The following TMTC2 variants were observed in gnomAD, a reference collection of about 807,000 sequenced individuals.
The protein encoded by TMTC2 is transmembrane O-mannosyltransferase targeting cadherins 2.
In TMTC2, 43 loss-of-function variants were observed where a neutral mutation model predicts 82.4. The observed-to-expected ratio is 0.52, with a 90% CI of 0.41 to 0.67. TMTC2 has a LOEUF of 0.67. Ranked by LOEUF, TMTC2 falls within the 30% of genes least tolerant of loss-of-function variation. The probability of loss-of-function intolerance (pLI) is 0.00; values close to 1 mark genes in which losing one functional copy is unlikely to be tolerated. For synonymous variants in TMTC2, 408 were observed against 381.9 expected (o/e 1.07, Z -0.80); for missense variants, 919 against 1,012.4 (o/e 0.91, Z 1.25).
chr12:83,013,450 A>C lies in TMTC2; in HGVS notation c.2071-17348A>C, dbSNP rs73150434. On this transcript the variant is annotated intron_variant, in intron 8 of 11. Coordinates refer to ENST00000321196, the MANE Select transcript of TMTC2 (RefSeq NM_152588.3). ...AATCCACCTAGGCTAGCAATACTTA[A>C]AACTGCCTTTTCTACTCTTTCTTGC... Among the ~76,000 whole-genome samples, 684 of 152,244 alleles carry C rather than the reference A, an allele frequency of 4.5e-3. 2 individuals are homozygous for C. The highest frequency in any genetic ancestry group is 7.8e-3 in the Non-Finnish European group (532 of 68,006).
At position 83,064,344 on chromosome 12, in the gene TMTC2, T is replaced by C. The variant is rs372408721; in HGVS notation, c.2331+2513T>C. 1.8e-4 allele frequency among the ~76,000 whole-genome samples: 27 copies of C among 152,058 alleles called. No homozygotes were observed. In the South Asian group the frequency reaches 5.2e-3, roughly 29 times the overall value. ...TTAATCTCCAACTCAAAGCCCTTTT[T>C]TTCTGAACCCTCAAAATGTTTCTTC... On this transcript the variant is annotated intron_variant, in intron 11 of 11. Coordinates refer to ENST00000321196, the MANE Select transcript of TMTC2 (RefSeq NM_152588.3).
Position 82,687,274 on chromosome 12 carries a change from C to T in TMTC2, c.-313C>T, listed in dbSNP as rs1872355153. 2.2e-6 allele frequency: 1 copy of T among 449,176 alleles called. No homozygotes were observed. Among genetic ancestry groups the T allele is most frequent in the Non-Finnish European group, 4.1e-6 (1 of 243,494 alleles). The allele number at this position is 449,176 out of a possible 1,614,324, so 27.8% of individuals were successfully genotyped here. A position where few individuals can be genotyped will look rare whatever the true frequency, so the allele number is the denominator to read the frequency against. On this transcript the variant is annotated 5_prime_UTR_variant, in exon 1 of 12. Transcript: ENST00000321196. Reference sequence around the variant, plus strand: ...ATGGGTTAGGGTGGGGATCGCGACCCGCGCGAAAGACCAGCCCTGCGCTTC... The same window carrying T: ...ATGGGTTAGGGTGGGGATCGCGACCTGCGCGAAAGACCAGCCCTGCGCTTC...
chr12:82,924,976 C>T (rs1875616532), intron 3 of TMTC2, among the ~76,000 whole-genome samples: 1 of 151,994 alleles, frequency 6.6e-6, no homozygotes, highest in Non-Finnish European at 1.5e-5. Flanking sequence ...CTTGACTTTC[C>T]CTCTCATTTT....
intron 1 of TMTC2, among the ~76,000 whole-genome samples, chr12:82,749,830 C>T (rs531837303): frequency 4.0e-5 from 6 of 151,548 alleles, no homozygotes; most frequent in South Asian, 4.2e-4. Flanking sequence ...CTCCGCCTCC[C>T]GGGTTCAAGC....
chr12:83,002,335 CTCTG>C (rs1424392851), intron 8 of TMTC2, among the ~76,000 whole-genome samples: 1 of 152,078 alleles, frequency 6.6e-6, no homozygotes, highest in Non-Finnish European at 1.5e-5. Context: ...TTTGCATCTT[CTCTG>C]TCTTTTTTTC....
chr12:82,907,996 C>T (rs1256717512), intron 3 of TMTC2, among the ~76,000 whole-genome samples: 1 of 152,008 alleles, frequency 6.6e-6, no homozygotes, highest in African/African-American at 2.4e-5. Context: ...CCTGTAGTCC[C>T]AGCTACTCAG....
chr12:82,922,590 C>A (rs1875460075), intron 3 of TMTC2, among the ~76,000 whole-genome samples: 2 of 151,776 alleles, frequency 1.3e-5, no homozygotes, highest in Non-Finnish European at 2.9e-5. Context: ...TATTAATCCC[C>A]TTTTATCTGT....
chr12:82,832,352 T>C (rs1869796836), intron 1 of TMTC2, among the ~76,000 whole-genome samples: 1 of 152,030 alleles, frequency 6.6e-6, no homozygotes, highest in Non-Finnish European at 1.5e-5. Context: ...AGTTTTTTTT[T>C]TTTTTGACGC....
At chr12:83,117,363 A>T (rs1218185495) in intron 11 of TMTC2, among the ~76,000 whole-genome samples, 1 of 152,228 alleles carries the variant, frequency 6.6e-6, no homozygotes, top group Non-Finnish European at 1.5e-5. Flanking sequence ...TAGATGCTAA[A>T]ATCCTTAACA....
At chr12:83,030,763 TG>T (rs760530033) in intron 8 of TMTC2, 34 bp from the exon 9 acceptor site, 11 of 1,508,298 alleles carry the variant, frequency 7.3e-6, no homozygotes, top group Non-Finnish European at 1.0e-5. Flanking sequence ...CCTCATGATC[TG>T]TTCCTGAATC....
chr12:82,912,504 G>C (rs1874733195), intron 3 of TMTC2, among the ~76,000 whole-genome samples: 2 of 152,152 alleles, frequency 1.3e-5, no homozygotes, highest in African/African-American at 4.8e-5. Flanking sequence ...ATTTTGAAAT[G>C]TTTTCCTTTT....
At chr12:82,739,208 TGA>T (rs1875274991) in intron 1 of TMTC2, among the ~76,000 whole-genome samples, 1 of 151,638 alleles carries the variant, frequency 6.6e-6, no homozygotes, top group African/African-American at 2.4e-5. Context: ...ATTCTATGAA[TGA>T]ATATGGCAGT....
At chr12:82,710,196 T>A (rs941678160) in intron 1 of TMTC2, among the ~76,000 whole-genome samples, 1 of 152,214 alleles carries the variant, frequency 6.6e-6, no homozygotes, top group Non-Finnish European at 1.5e-5. Flanking sequence ...CAAGTTTTGC[T>A]TAGTGTGCTT....
At chr12:82,869,867 T>C (rs1565785916) in intron 2 of TMTC2, among the ~76,000 whole-genome samples, 1 of 150,170 alleles carries the variant, frequency 6.7e-6, no homozygotes, top group African/African-American at 2.4e-5. Context: ...AAAATAAAAA[T>C]AAAAAAAATA....
At chr12:83,069,969 T>C (rs775685716) in intron 11 of TMTC2, among the ~76,000 whole-genome samples, 6 of 152,278 alleles carry the variant, frequency 3.9e-5, no homozygotes, top group Admixed American at 1.3e-4. Flanking sequence ...TTTATGTTTT[T>C]GTTTGCTTTG....
At chr12:82,709,165 C>T (rs1873513207) in intron 1 of TMTC2, among the ~76,000 whole-genome samples, 2 of 151,716 alleles carry the variant, frequency 1.3e-5, no homozygotes, top group South Asian at 2.1e-4. Flanking sequence ...TTTTGAGACT[C>T]CCCATTTGTC....
rs530299899 is a variant in TMTC2 at position 82,724,426 on chromosome 12, T to A, written c.83+36757T>A. ...GGAGATGATTAGATCATGGGGACTG[T>A]TTCCCCCATGCTGTTCTAGTGATAG... On this transcript the variant is annotated intron_variant, in intron 1 of 11. Transcript: ENST00000321196. Among the ~76,000 whole-genome samples, 34 of 152,216 alleles carry A rather than the reference T, an allele frequency of 2.2e-4. No homozygotes were observed. The South Asian group carries it at 7.1e-3, about 32-fold the overall frequency.
intron 1 of TMTC2, among the ~76,000 whole-genome samples, chr12:82,740,415 T>C (rs1462027485): frequency 6.6e-6 from 1 of 152,208 alleles, no homozygotes; most frequent in Non-Finnish European, 1.5e-5. Flanking sequence ...TATTTCCTCC[T>C]GGTCATTTTT....
In TMTC2 at chr12:82,726,795, C is replaced by T. The variant is rs568368829; in HGVS notation, c.83+39126C>T. 7.5e-5 allele frequency among the ~76,000 whole-genome samples: 11 copies of T among 147,434 alleles called. No homozygotes were observed. In the South Asian group the frequency reaches 1.1e-3, roughly 15 times the overall value. On this transcript the variant is annotated intron_variant, in intron 1 of 11. Transcript: ENST00000321196. ...TCGGGAGGCTGAGGTAGGAGAATGG[C>T]GTGAACCCAGGAGGCAGAGCTTGCA...
Sources: gnomAD v4.1 joint callset for allele counts (sites outside exome capture counted in the v4.1 genomes callset) on GRCh38, gnomAD v4.1.1 for gene constraint, MANE v1.5 for transcripts, NCBI Gene and HGNC (gene_info 2026-07-23, HGNC 2026-07-21) for gene names.